HTR1F: variants seen among roughly 807,000 people sequenced by gnomAD.
HTR1F encodes 5-hydroxytryptamine receptor 1F, also known as 5-hydroxytryptamine (serotonin) receptor 1F, G protein-coupled.
A neutral mutation model predicts 24.0 loss-of-function variants in HTR1F; 17 were observed. That is an observed-to-expected ratio of 0.71 (90% CI 0.48 to 1.06). The LOEUF is 1.06. Among genes scored for constraint, HTR1F ranks in the 50% least tolerant of loss-of-function variants. The pLI is 0.00. For missense variants in HTR1F, 391 were observed against 427.8 expected (o/e 0.91, Z 0.76); for synonymous variants, 186 against 156.8 (o/e 1.19, Z -1.39).
intron 1 of HTR1F, among the ~76,000 whole-genome samples, chr3:87,807,391 T>C (rs2107086465): frequency 6.6e-6 from 1 of 152,100 alleles, no homozygotes; most frequent in Admixed American, 6.6e-5. Flanking sequence ...CTATTGTAAA[T>C]GGGATTGCCT....
At chr3:87,930,842 T>C (rs930366206) in intron 2 of HTR1F, among the ~76,000 whole-genome samples, 1 of 152,104 alleles carries the variant, frequency 6.6e-6, no homozygotes, top group Non-Finnish European at 1.5e-5. Flanking sequence ...CCTATACATA[T>C]ACATTTATTT....
chr3:87,968,150 C>T (rs535171433), intron 2 of HTR1F, among the ~76,000 whole-genome samples: 55 of 152,234 alleles, frequency 3.6e-4, no homozygotes, highest in African/African-American at 1.3e-3. Context: ...ACATTTTGCC[C>T]CTGCCCTAGA....
intron 2 of HTR1F, among the ~76,000 whole-genome samples, chr3:87,945,720 C>T (rs1165400599): frequency 6.6e-5 from 10 of 152,106 alleles, no homozygotes; most frequent in South Asian, 2.1e-4. Context: ...CCAGCAGCCA[C>T]GCTAATCGTT....
At chr3:87,879,125 A>G (rs1473719937) in intron 2 of HTR1F, among the ~76,000 whole-genome samples, 6 of 152,150 alleles carry the variant, frequency 3.9e-5, no homozygotes, top group Non-Finnish European at 7.4e-5. Context: ...CAACTAAGTA[A>G]TTTCTTTTTA....
At position 87,990,846 on chromosome 3, in the gene HTR1F, C is replaced by G; in HGVS notation, c.97C>G (p.Leu33Val). ...TCTGGTGTCCCTCACTCTGTCTGGG[C>G]TGGCACTGATGACAACAACTATCAA... ...KILVSLTLSGLALMTTTINSL... is the reference protein window; with the variant it reads ...KILVSLTLSGVALMTTTINSL... Residue 33 changes from leucine (L) to valine (V), a missense_variant, in exon 3 of 3, where the codon CTG becomes GTG. Physicochemically the swap from Leu to Val is conservative, Grantham distance 32. Transcript: ENST00000319595. The G allele has an allele frequency of 6.2e-7, 1 of 1,614,024 alleles. No homozygotes were observed. The highest frequency in any genetic ancestry group is 2.2e-5 in the East Asian group (1 of 44,900).
intron 2 of HTR1F, among the ~76,000 whole-genome samples, chr3:87,942,456 G>A (rs1264322309): frequency 6.6e-6 from 1 of 152,150 alleles, no homozygotes; most frequent in Admixed American, 6.5e-5. Flanking sequence ...GCATCGGCTG[G>A]CGCTTGCCCC....
intron 2 of HTR1F, among the ~76,000 whole-genome samples, chr3:87,830,760 C>A (rs1704557705): frequency 6.6e-6 from 1 of 152,074 alleles, no homozygotes; most frequent in South Asian, 2.1e-4. Context: ...ACTGTGAACA[C>A]CAACATTGTT....
intron 1 of HTR1F, among the ~76,000 whole-genome samples, chr3:87,805,293 A>C (rs2107080373): frequency 6.6e-6 from 1 of 152,120 alleles, no homozygotes; most frequent in South Asian, 2.1e-4. Flanking sequence ...GTGAGATAGC[A>C]GAAAAGTTAA....
intron 1 of HTR1F, among the ~76,000 whole-genome samples, chr3:87,795,434 A>C (rs1035263389): frequency 6.6e-5 from 10 of 152,226 alleles, no homozygotes; most frequent in Admixed American, 2.6e-4. Context: ...TAACTGGGTA[A>C]TGTAAAACAA....
chr3:87,910,038 A>G (rs1466744155), intron 2 of HTR1F, among the ~76,000 whole-genome samples: 3 of 152,044 alleles, frequency 2.0e-5, no homozygotes, highest in Non-Finnish European at 4.4e-5. Context: ...TATGTTGTCT[A>G]TAATAATTTT....
At chr3:87,985,250 G>A (rs1289737402) in intron 2 of HTR1F, among the ~76,000 whole-genome samples, 3 of 151,906 alleles carry the variant, frequency 2.0e-5, no homozygotes, top group Non-Finnish European at 2.9e-5. Context: ...CTGACGAATC[G>A]CTTGAACCCA....
intron 2 of HTR1F, among the ~76,000 whole-genome samples, chr3:87,883,046 G>T (rs555057891): frequency 6.6e-5 from 10 of 152,034 alleles, no homozygotes; most frequent in African/African-American, 1.7e-4. Flanking sequence ...ACACATCCCA[G>T]TAGGGGCGGA....
At chr3:87,973,844 G>A (rs1470996599) in intron 2 of HTR1F, among the ~76,000 whole-genome samples, 2 of 152,122 alleles carry the variant, frequency 1.3e-5, no homozygotes, top group African/African-American at 2.4e-5. Context: ...CCGACGGCAC[G>A]CTTAAATTAG....
At chr3:87,819,203 T>C (rs1466544730) in intron 1 of HTR1F, among the ~76,000 whole-genome samples, 2 of 152,196 alleles carry the variant, frequency 1.3e-5, no homozygotes, top group Admixed American at 6.5e-5. Context: ...ATGCATTGGA[T>C]ACTGCCATGG....
intron 2 of HTR1F, among the ~76,000 whole-genome samples, chr3:87,908,595 G>A (rs1202946883): frequency 3.3e-5 from 5 of 152,020 alleles, no homozygotes; most frequent in African/African-American, 1.2e-4. Flanking sequence ...TCTACTTAGA[G>A]AAAGAATTTT....
chr3:87,991,833 G>T lies in HTR1F; in HGVS notation c.1084G>T (p.Val362Leu), dbSNP rs748628766. The T allele has an allele frequency of 6.4e-7, 1 of 1,573,414 alleles. No individual in the cohort carries two copies. Among genetic ancestry groups the T allele is most frequent in the Non-Finnish European group, 8.6e-7 (1 of 1,161,228 alleles). The change falls in exon 3 of 3, where the codon GTG becomes TTG. Residue 362 changes from valine (V) to leucine (L), a missense_variant. Transcript: ENST00000319595. ...EDFKKAFQKL[V>L]RCRC Reference sequence around the variant, plus strand: ...CTTCAAGAAAGCATTCCAAAAGCTTGTGCGATGTCGATGTTAGTTTTAAAA... The same window carrying T: ...CTTCAAGAAAGCATTCCAAAAGCTTTTGCGATGTCGATGTTAGTTTTAAAA...
chr3:87,968,239 T>C (rs1576101024), intron 2 of HTR1F, among the ~76,000 whole-genome samples: 1 of 151,254 alleles, frequency 6.6e-6, no homozygotes, highest in South Asian at 2.1e-4. Flanking sequence ...TGAGACAGAG[T>C]TTCACTCTTG....
chr3:87,802,563 CT>C (rs1280276562), intron 1 of HTR1F, among the ~76,000 whole-genome samples: 4 of 151,862 alleles, frequency 2.6e-5, no homozygotes, highest in Non-Finnish European at 1.5e-5. Context: ...CTAGGCTAGT[CT>C]TAAATTCCTG....
chr3:87,812,059 CTG>C (rs1382928040), intron 1 of HTR1F, among the ~76,000 whole-genome samples: 2 of 152,162 alleles, frequency 1.3e-5, no homozygotes, highest in African/African-American at 4.8e-5. Flanking sequence ...CCATGCAGAA[CTG>C]TGAGTCAATT....
Sources: allele counts gnomAD v4.1 joint callset (sites outside exome capture counted in the v4.1 genomes callset), GRCh38; gene constraint gnomAD v4.1.1; transcripts MANE v1.5; gene names NCBI Gene and HGNC (gene_info 2026-07-23, HGNC 2026-07-21).